EFL1: variants seen among roughly 807,000 people sequenced by gnomAD.
EFL1 encodes the protein elongation factor-like GTPase 1.
A neutral mutation model predicts 126.7 loss-of-function variants in EFL1; 76 were observed. The observed-to-expected ratio is 0.60, with a 90% CI of 0.50 to 0.73. The LOEUF is 0.73. EFL1 is among the 30% of genes least tolerant of loss of function. EFL1 has a pLI of 0.00. For missense variants in EFL1, 1,128 were observed against 1,343.2 expected, an observed-to-expected ratio of 0.84 and a Z score of 2.50; for synonymous variants, 410 against 448.4, an observed-to-expected ratio of 0.91 and a Z score of 1.08.
At chr15:82,190,353 TAAC>T (rs2074346581) in intron 15 of EFL1, among the ~76,000 whole-genome samples, 1 of 152,216 alleles carries the variant, frequency 6.6e-6, no homozygotes, top group South Asian at 2.1e-4. Flanking sequence ...CTTTGAGTAA[TAAC>T]TCATTTTTCT....
intron 15 of EFL1, among the ~76,000 whole-genome samples, chr15:82,191,695 A>G (rs2074361615): frequency 6.6e-6 from 1 of 152,060 alleles, no homozygotes. Context: ...ATACATGATT[A>G]GAAACAAACT....
At chr15:82,255,912 G>A (rs777123965) in intron 3 of EFL1, among the ~76,000 whole-genome samples, 5 of 151,990 alleles carry the variant, frequency 3.3e-5, no homozygotes, top group African/African-American at 7.3e-5. Context: ...GCTATTAATT[G>A]GTTTATTTGC....
Position 82,255,451 on chromosome 15 carries a change from C to A in EFL1, c.160-2676G>T, listed in dbSNP as rs150395509. 8.9e-4 allele frequency among the ~76,000 whole-genome samples: 136 copies of A among 152,178 alleles called. 2 individuals are homozygous for A. The East Asian group carries it at 0.022, about 25-fold the overall frequency. On this transcript the variant is annotated intron_variant, in intron 3 of 19. Transcript: ENST00000268206. ...TGTTATTAATATTTTTCACAGTTAC[C>A]AGGCTTGTTTTTTCCATTTCTTTCT...
intron 12 of EFL1, among the ~76,000 whole-genome samples, chr15:82,223,188 T>A (rs2074729437): frequency 6.6e-6 from 1 of 151,906 alleles, no homozygotes; most frequent in Non-Finnish European, 1.5e-5. Flanking sequence ...GTATGTCTAA[T>A]ACAATGGAGA....
At position 82,135,299 on chromosome 15, in the gene EFL1, A is replaced by AT. The variant is rs1269233289; in HGVS notation, c.3174+3358dup. On this transcript the variant is annotated intron_variant, in intron 19 of 19. Transcript: ENST00000268206. ...TTACATGTATAAGATCAATTTTAAG[A>AT]TTTTCTTTTTAAATTTCTGAAGGAT... Among the ~76,000 whole-genome samples the AT allele has an allele frequency of 1.7e-3, 260 of 151,776 alleles. 2 individuals carry two copies. The highest frequency in any genetic ancestry group is 5.3e-3 in the African/African-American group (220 of 41,382).
intron 15 of EFL1, among the ~76,000 whole-genome samples, chr15:82,182,549 C>T (rs964242854): frequency 5.3e-5 from 8 of 152,060 alleles, no homozygotes; most frequent in South Asian, 2.1e-4. Context: ...ACAGGCTGGG[C>T]GCGGTGGCTC....
At chr15:82,229,373 T>A (rs757079955) in intron 8 of EFL1, among the ~76,000 whole-genome samples, 6 of 152,156 alleles carry the variant, frequency 3.9e-5, no homozygotes, top group Admixed American at 2.0e-4. Flanking sequence ...ATGGCTGCCA[T>A]CAAACAAATA....
At chr15:82,234,753 ACT>A (rs1429622573) in intron 7 of EFL1, among the ~76,000 whole-genome samples, 1 of 151,898 alleles carries the variant, frequency 6.6e-6, no homozygotes, top group Admixed American at 6.6e-5. Context: ...TCATGAAGAG[ACT>A]CTGTTTTCTC....
rs2075139582 is a variant in EFL1, at chr15:82,262,643, C to T, written c.-49G>A. On this transcript the variant is annotated 5_prime_UTR_variant, in exon 1 of 20. Coordinates refer to ENST00000268206, the MANE Select transcript of EFL1 (RefSeq NM_024580.6). Reference sequence around the variant, plus strand: ...TGCAGCAGCCCCACCAGCCCCGCTCCTTCTCTCGGGTCGCACCCACACCGA... The same window carrying T: ...TGCAGCAGCCCCACCAGCCCCGCTCTTTCTCTCGGGTCGCACCCACACCGA... 8.3e-6 allele frequency: 4 copies of T among 479,806 alleles called. No homozygotes were observed. The highest frequency in any genetic ancestry group is 7.3e-5 in the South Asian group (3 of 41,142). 29.7% of individuals were successfully genotyped at this position (479,806 alleles called of 1,614,324 possible).
At chr15:82,143,011 AAT>A (rs1482209102) in intron 18 of EFL1, among the ~76,000 whole-genome samples, 1 of 152,142 alleles carries the variant, frequency 6.6e-6, no homozygotes, top group Non-Finnish European at 1.5e-5. Flanking sequence ...CTTCTTCCAT[AAT>A]ATTAAGATTA....
intron 15 of EFL1, among the ~76,000 whole-genome samples, chr15:82,186,184 C>T (rs2074301684): frequency 6.6e-6 from 1 of 151,878 alleles, no homozygotes; most frequent in Non-Finnish European, 1.5e-5. Context: ...TTTTTATACT[C>T]AGAGTTTTGG....
At chr15:82,255,571 G>A (rs2075059545) in intron 3 of EFL1, among the ~76,000 whole-genome samples, 1 of 151,976 alleles carries the variant, frequency 6.6e-6, no homozygotes, top group Non-Finnish European at 1.5e-5. Flanking sequence ...CTTCCTTTAA[G>A]GTCATAAAAA....
intron 18 of EFL1, among the ~76,000 whole-genome samples, chr15:82,149,504 G>C (rs554927572): frequency 6.6e-6 from 1 of 152,164 alleles, no homozygotes; most frequent in Non-Finnish European, 1.5e-5. Flanking sequence ...CATGTAGGAG[G>C]TAACAGTGTA....
chr15:82,250,994 C>T (rs2075015697), intron 4 of EFL1, among the ~76,000 whole-genome samples: 1 of 151,984 alleles, frequency 6.6e-6, no homozygotes, highest in African/African-American at 2.4e-5. Flanking sequence ...GGCGGATCAC[C>T]TGCGGTCAGG....
intron 7 of EFL1, among the ~76,000 whole-genome samples, chr15:82,231,214 T>C (rs2074819149): frequency 6.6e-6 from 1 of 152,156 alleles, no homozygotes; most frequent in Non-Finnish European, 1.5e-5. Flanking sequence ...ATATGAATTG[T>C]ACTACATGCT....
chr15:82,258,994 C>A (rs187305518), intron 3 of EFL1, 94 bp downstream of exon 3: 56 of 1,138,632 alleles, frequency 4.9e-5, no homozygotes, highest in Non-Finnish European at 7.0e-5. Flanking sequence ...TGTTTTATAC[C>A]CTTTTGGATG....
rs1503062 is a variant in EFL1 at position 82,132,304 on chromosome 15, C to T, written c.3175-1743G>A. 6.4e-3 allele frequency among the ~76,000 whole-genome samples: 971 copies of T among 152,206 alleles called. 25 individuals carry two copies. Among genetic ancestry groups the T allele is most frequent in the Admixed American group, 0.05 (761 of 15,302 alleles). ...CATGAATCAGACCAACGAGACGCTT[C>T]GCATCAGCAACAGCAGTTGCTGGGA... is the stretch of plus-strand genomic sequence containing the variant. On this transcript the variant is annotated intron_variant, in intron 19 of 19. Transcript: ENST00000268206.
At chr15:82,252,066 A>AT (rs2075027167) in intron 4 of EFL1, among the ~76,000 whole-genome samples, 1 of 152,064 alleles carries the variant, frequency 6.6e-6, no homozygotes, top group Non-Finnish European at 1.5e-5. Context: ...TGAACATACC[A>AT]TTTTCCCCTG....
At position 82,132,684 on chromosome 15, in the gene EFL1, G is replaced by GTGCGGC. The variant is rs1174769056; in HGVS notation, c.3175-2124_3175-2123insGCCGCA. ...AAAGGAGACAAGGTCCAGGAATTGG[G>GTGCGGC]GGGGGGGGGGGGTAGGCAGAGTGGC... On this transcript the variant is annotated intron_variant, in intron 19 of 19. Coordinates refer to ENST00000268206, the MANE Select transcript of EFL1 (RefSeq NM_024580.6). Among the ~76,000 whole-genome samples the GTGCGGC allele has an allele frequency of 2.6e-4, 29 of 112,058 alleles. 1 individual carries two copies. The highest frequency in any genetic ancestry group is 9.7e-4 in the African/African-American group (28 of 28,818). The allele number at this position is 112,058 out of a possible 152,430, so 73.5% of individuals were successfully genotyped here.
Sources: gnomAD v4.1 joint callset for allele counts (sites outside exome capture counted in the v4.1 genomes callset) on GRCh38, gnomAD v4.1.1 for gene constraint, MANE v1.5 for transcripts, NCBI Gene and HGNC (gene_info 2026-07-23, HGNC 2026-07-21) for gene names.